Variants in DNAJC6 observed in about 807,000 individuals in gnomAD.
DNAJC6 encodes auxilin.
In DNAJC6, 34 loss-of-function variants were observed where a neutral mutation model predicts 110.0. The ratio of observed to expected loss-of-function variants is 0.31; its 90% CI spans 0.24 to 0.41. The LOEUF (loss-of-function observed/expected upper bound fraction) is 0.41, where lower values mean the gene tolerates loss of function less well. DNAJC6 is among the 10% of genes least tolerant of loss of function. DNAJC6 has a pLI of 1.00. For missense variants in DNAJC6, 1,031 were observed against 1,207.8 expected (o/e 0.85, Z 2.17); for synonymous variants, 406 against 437.2 (o/e 0.93, Z 0.89).
chr1:65,378,184 A>C lies in DNAJC6; in HGVS notation c.544-1218A>C, dbSNP rs74082625. 2.6e-3 allele frequency among the ~76,000 whole-genome samples: 397 copies of C among 152,192 alleles called. 1 individual carries two copies. Among genetic ancestry groups the C allele is most frequent in the African/African-American group, 9.2e-3 (383 of 41,514 alleles). ...ATTGACACTCCTCACCAACCTCCTG[A>C]CTGGTCTTCCTACCTTTAGGCTCTT... On this transcript the variant is annotated intron_variant, in intron 4 of 18. Coordinates refer to ENST00000371069, the MANE Select transcript of DNAJC6 (RefSeq NM_001256864.2).
At chr1:65,323,807 TCTCAACCTCCTGGG>T (rs1380427347) in intron 1 of DNAJC6, among the ~76,000 whole-genome samples, 2 of 151,990 alleles carry the variant, frequency 1.3e-5, no homozygotes, top group Non-Finnish European at 2.9e-5. Flanking sequence ...CCCAGGTTGG[TCTCAACCTCCTGGG>T]CTCAAATGAG....
At chr1:65,303,790 G>C (rs1439758837) in intron 1 of DNAJC6, among the ~76,000 whole-genome samples, 1 of 152,010 alleles carries the variant, frequency 6.6e-6, no homozygotes, top group South Asian at 2.1e-4. Flanking sequence ...GGCCAGGCTG[G>C]TCTCGAACTC....
chr1:65,389,148 TGA>T, intron 9 of DNAJC6, 106 bp from the exon 10 acceptor site: 1 of 1,022,830 alleles, frequency 9.8e-7, no homozygotes, highest in Non-Finnish European at 1.4e-6. Context: ...TTTTTAGAAA[TGA>T]GACTTAGATT....
At chr1:65,347,701 C>G (rs961853025) in intron 1 of DNAJC6, among the ~76,000 whole-genome samples, 1 of 151,956 alleles carries the variant, frequency 6.6e-6, no homozygotes, top group African/African-American at 2.4e-5. Context: ...TCTCCCCTCC[C>G]CTCAACACTG....
chr1:65,407,744 A>G (rs1377891652), intron 16 of DNAJC6, among the ~76,000 whole-genome samples: 1 of 152,208 alleles, frequency 6.6e-6, no homozygotes, highest in Non-Finnish European at 1.5e-5. Flanking sequence ...TTGAGGATGC[A>G]GCAGGGAACA....
chr1:65,386,422 C>T (rs1235559951), intron 7 of DNAJC6, among the ~76,000 whole-genome samples: 2 of 152,226 alleles, frequency 1.3e-5, no homozygotes, highest in African/African-American at 4.8e-5. Flanking sequence ...AAGACTTTCA[C>T]AGAGCAAGAC....
chr1:65,404,140 A>T (rs1239554835), intron 15 of DNAJC6, among the ~76,000 whole-genome samples: 2 of 152,210 alleles, frequency 1.3e-5, no homozygotes, highest in African/African-American at 4.8e-5. Flanking sequence ...ACATAGGAAG[A>T]AGGAATTCAT....
intron 4 of DNAJC6, among the ~76,000 whole-genome samples, chr1:65,368,647 CT>C: frequency 6.7e-6 from 1 of 149,418 alleles, no homozygotes; most frequent in Non-Finnish European, 1.5e-5. Flanking sequence ...CCTCATTCTT[CT>C]TCTCCCTTCC....
At chr1:65,385,964 A>G (rs1645868161) in intron 7 of DNAJC6, 58 bp downstream of exon 7, 1 of 1,428,374 alleles carries the variant, frequency 7.0e-7, no homozygotes, top group Non-Finnish European at 9.4e-7. Flanking sequence ...GTAAATGAGC[A>G]GGAATGAGTT....
intron 1 of DNAJC6, among the ~76,000 whole-genome samples, chr1:65,314,778 G>A (rs1645134302): frequency 6.6e-6 from 1 of 152,256 alleles, no homozygotes; most frequent in Non-Finnish European, 1.5e-5. Flanking sequence ...GTGAGCCACT[G>A]TGCCCAGCCA....
chr1:65,309,913 C>T lies in DNAJC6; in HGVS notation c.168C>T (p.Asp56=). Residue 56 remains aspartate, a synonymous_variant, in exon 1 of 19, where the codon GAC becomes GAT. Transcript: ENST00000371069. ...GGAGTCCCGCCCGACAGCCTCCGGA[C>T]CGCGCCAGCACCATGGACAGCTCAG... ...AARSPARQPP[D]RASTMDSSGA... 5 of 1,534,670 alleles carry T rather than the reference C, an allele frequency of 3.3e-6. No homozygotes were observed. The highest frequency in any genetic ancestry group is 2.5e-5 in the East Asian group (1 of 39,886).
chr1:65,287,841 CA>C (rs1654073142), intron 1 of DNAJC6, among the ~76,000 whole-genome samples: 1 of 152,140 alleles, frequency 6.6e-6, no homozygotes, highest in Non-Finnish European at 1.5e-5. Context: ...TGGGCTCCAA[CA>C]GTCTGCTTGC....
In DNAJC6 at chr1:65,271,531, T is replaced by C. The variant is rs543561597; in HGVS notation, c.-131+6599T>C. Among the ~76,000 whole-genome samples, 11 of 152,282 alleles carry C rather than the reference T, an allele frequency of 7.2e-5. 1 individual carries two copies. The East Asian group carries it at 1.4e-3, about 19-fold the overall frequency. On this transcript the variant is annotated intron_variant, in intron 1 of 19. Transcript: ENST00000263441. ...TGATATTTGACTCTCTGTGGCACTT[T>C]AGAATTTCATTTTCTAATTGTTTAT...
At chr1:65,356,397 C>A (rs1427247503) in intron 1 of DNAJC6, among the ~76,000 whole-genome samples, 1 of 151,748 alleles carries the variant, frequency 6.6e-6, no homozygotes, top group Non-Finnish European at 1.5e-5. Context: ...CATGGTGAAA[C>A]CCTGTCTCTA....
chr1:65,355,400 C>T (rs1370768577), intron 1 of DNAJC6, among the ~76,000 whole-genome samples: 1 of 152,066 alleles, frequency 6.6e-6, no homozygotes, highest in Non-Finnish European at 1.5e-5. Context: ...CCTATGTGGC[C>T]TGAAACGAGA....
chr1:65,368,550 C>G (rs1230887966), intron 4 of DNAJC6, among the ~76,000 whole-genome samples: 5 of 149,164 alleles, frequency 3.4e-5, no homozygotes, highest in African/African-American at 1.2e-4. Flanking sequence ...TCCTTCCCTT[C>G]TCCTTCCTTC....
In DNAJC6 at chr1:65,355,194, C is replaced by T. The variant is rs529569254; in HGVS notation, c.194-9441C>T. On this transcript the variant is annotated intron_variant, in intron 1 of 18. Transcript: ENST00000371069. ...GGGAGGATCGCTTGAGCCTGGGAGG[C>T]GGAGGTTGCAGTGAGCCAAGATTGG... is the stretch of plus-strand genomic sequence containing the variant. Among the ~76,000 whole-genome samples the T allele has an allele frequency of 8.1e-5, 11 of 136,200 alleles. No individual in the cohort carries two copies. The East Asian group carries it at 2.3e-3, about 29-fold the overall frequency. 89.4% of individuals were successfully genotyped at this position (136,200 alleles called of 152,430 possible). A position where few individuals can be genotyped will look rare whatever the true frequency, so the allele number is the denominator to read the frequency against.
chr1:65,385,352 A>G (rs560041976), intron 6 of DNAJC6, among the ~76,000 whole-genome samples: 3 of 152,322 alleles, frequency 2.0e-5, no homozygotes, highest in Non-Finnish European at 4.4e-5. Flanking sequence ...TTGGATTAAA[A>G]GTGCTTCTGA....
intron 13 of DNAJC6, among the ~76,000 whole-genome samples, chr1:65,398,171 G>T (rs1442011812): frequency 6.6e-6 from 1 of 152,056 alleles, no homozygotes; most frequent in Non-Finnish European, 1.5e-5. Context: ...ACTTTGAGGG[G>T]GGGTCAGAAT....
Sources: gnomAD v4.1 joint callset for allele counts (sites outside exome capture counted in the v4.1 genomes callset) on GRCh38, gnomAD v4.1.1 for gene constraint, MANE v1.5 for transcripts, NCBI Gene and HGNC (gene_info 2026-07-23, HGNC 2026-07-21) for gene names.